The following CDC42BPA variants were observed in gnomAD, a reference collection of about 807,000 sequenced individuals.
CDC42BPA encodes the protein serine/threonine-protein kinase MRCK alpha.
Under a neutral mutation model 223.5 loss-of-function variants are expected in CDC42BPA, and 80 were observed. That is an observed-to-expected ratio of 0.36 (90% CI 0.30 to 0.43). The LOEUF (loss-of-function observed/expected upper bound fraction) is 0.43. CDC42BPA is among the 20% of genes least tolerant of loss of function. The pLI, the probability that CDC42BPA is intolerant of heterozygous loss-of-function variation, is 1.00. For synonymous variants in CDC42BPA, 694 were observed against 718.6 expected (o/e 0.97, Z 0.55); for missense variants, 1,743 against 2,099.9 (o/e 0.83, Z 3.32).
intron 5 of CDC42BPA, among the ~76,000 whole-genome samples, chr1:227,162,186 T>C (rs1268105699): frequency 6.6e-6 from 1 of 152,028 alleles, no homozygotes; most frequent in Admixed American, 6.6e-5. Flanking sequence ...TTTGCTTATT[T>C]TATAGATAGT....
intron 5 of CDC42BPA, among the ~76,000 whole-genome samples, chr1:227,162,868 A>ATATATGTGTGTGTGTGTGTGTGTGTGTG (rs1553371209): frequency 6.7e-6 from 1 of 149,356 alleles, no homozygotes; most frequent in South Asian, 2.1e-4. Flanking sequence ...ATAAATATAT[A>ATATATGTGTGTGTGTGTGTGTGTGTGTG]TGTGTGTGTG....
Position 227,029,044 on chromosome 1 carries a change from G to C in CDC42BPA, c.4045C>G (p.Leu1349Val). The change falls in exon 30 of 37, where the codon CTC (leucine) becomes GTC (valine). Residue 1349 changes from leucine to valine, a missense_variant. Coordinates refer to ENST00000366766, the MANE Select transcript of CDC42BPA (RefSeq NM_001394014.1). ...VTSGKVRHGALTCLCVAMKRQ... is the reference protein window; with the variant it reads ...VTSGKVRHGAVTCLCVAMKRQ... ...TTCATAGCCACACACAGGCATGTGA[G>C]AGCTCCATGGCGCACCTTTCCAGAA... is the stretch of plus-strand genomic sequence containing the variant. 1.2e-6 allele frequency: 2 copies of C among 1,614,106 alleles called. No homozygotes were observed. The highest frequency in any genetic ancestry group is 1.7e-6 in the Non-Finnish European group (2 of 1,180,034).
At chr1:227,054,467 T>A (rs1010408989) in intron 21 of CDC42BPA, among the ~76,000 whole-genome samples, 2 of 152,216 alleles carry the variant, frequency 1.3e-5, no homozygotes, top group African/African-American at 4.8e-5. Flanking sequence ...GGTTATATCA[T>A]GAAATCAGTG....
chr1:227,054,110 T>C (rs12036915), intron 21 of CDC42BPA, among the ~76,000 whole-genome samples: 32,119 of 151,502 alleles, frequency 0.21, 3,516 homozygotes, highest in Admixed American at 0.26. Context: ...CTTAAGAAAA[T>C]TGTAAAGTTT....
chr1:227,040,960 T>C (rs564012759), intron 23 of CDC42BPA, among the ~76,000 whole-genome samples: 1 of 152,340 alleles, frequency 6.6e-6, no homozygotes, highest in East Asian at 1.9e-4. Flanking sequence ...ATAAATGATG[T>C]ATAATAAATA....
intron 1 of CDC42BPA, among the ~76,000 whole-genome samples, chr1:227,261,496 C>T (rs1684062772): frequency 6.7e-6 from 1 of 148,542 alleles, no homozygotes; most frequent in Non-Finnish European, 1.5e-5. Context: ...AACACAGACC[C>T]ACACATACAC....
chr1:227,211,285 A>T (rs1279020751), intron 3 of CDC42BPA, among the ~76,000 whole-genome samples: 1 of 152,176 alleles, frequency 6.6e-6, no homozygotes, highest in Admixed American at 6.5e-5. Flanking sequence ...GGGGATGCAG[A>T]TAAAAAGGAA....
intron 16 of CDC42BPA, among the ~76,000 whole-genome samples, chr1:227,083,517 C>T (rs1681157310): frequency 6.6e-6 from 1 of 151,972 alleles, no homozygotes; most frequent in Non-Finnish European, 1.5e-5. Context: ...TCTGTTTCTA[C>T]TGACTGCCTG....
intron 11 of CDC42BPA, among the ~76,000 whole-genome samples, chr1:227,125,653 C>A (rs973907786): frequency 6.7e-6 from 1 of 149,348 alleles, no homozygotes. Context: ...AGGACATTAA[C>A]CCTCACTGGC....
chr1:227,099,430 T>C (rs766973290), intron 15 of CDC42BPA, among the ~76,000 whole-genome samples: 1 of 151,938 alleles, frequency 6.6e-6, no homozygotes, highest in African/African-American at 2.4e-5. Flanking sequence ...GTGCCTTATA[T>C]AGGTGTACCC....
chr1:227,075,393 C>G (rs1929870), intron 17 of CDC42BPA, among the ~76,000 whole-genome samples: 19,631 of 152,058 alleles, frequency 0.13, 1,343 homozygotes, highest in East Asian at 0.26. Flanking sequence ...CCTGAGGAGT[C>G]AAATTTATAT....
intron 5 of CDC42BPA, among the ~76,000 whole-genome samples, chr1:227,169,403 TTTTC>T (rs749190632): frequency 3.4e-4 from 51 of 152,162 alleles, no homozygotes; most frequent in Non-Finnish European, 4.3e-4. Context: ...GTTAGCATTT[TTTTC>T]TTTCTTTTTT....
intron 14 of CDC42BPA, among the ~76,000 whole-genome samples, chr1:227,108,291 G>C (rs1474011197): frequency 6.6e-6 from 1 of 152,048 alleles, no homozygotes; most frequent in African/African-American, 2.4e-5. Context: ...GTAAGTTCTG[G>C]TGTATTGTAT....
At chr1:227,149,793 G>A (rs892481835) in intron 6 of CDC42BPA, among the ~76,000 whole-genome samples, 9 of 152,120 alleles carry the variant, frequency 5.9e-5, no homozygotes, top group Admixed American at 2.0e-4. Context: ...ACAGACCCTA[G>A]AATGGACAAG....
At chr1:227,009,031 A>G (rs181526864) in intron 34 of CDC42BPA, among the ~76,000 whole-genome samples, 1 of 152,270 alleles carries the variant, frequency 6.6e-6, no homozygotes, top group African/African-American at 2.4e-5. Context: ...CAGGCTATAC[A>G]TTTTTTTATT....
chr1:227,150,054 T>C (rs1661438214), intron 6 of CDC42BPA, among the ~76,000 whole-genome samples: 3 of 151,654 alleles, frequency 2.0e-5, no homozygotes, highest in Admixed American at 2.0e-4. Flanking sequence ...TGAAACCACA[T>C]CTCTACAAAA....
At chr1:227,201,840 T>A (rs1671826263) in intron 3 of CDC42BPA, among the ~76,000 whole-genome samples, 1 of 151,902 alleles carries the variant, frequency 6.6e-6, no homozygotes, top group Non-Finnish European at 1.5e-5. Flanking sequence ...GAAATCTACC[T>A]AATTTTTTCT....
At chr1:227,099,534 A>T (rs1684617923) in intron 15 of CDC42BPA, among the ~76,000 whole-genome samples, 1 of 152,178 alleles carries the variant, frequency 6.6e-6, no homozygotes, top group Non-Finnish European at 1.5e-5. Flanking sequence ...ATTCCCTGCA[A>T]TAGTTTTACT....
chr1:227,119,574 C>T (rs1046201211), intron 12 of CDC42BPA, among the ~76,000 whole-genome samples: 12 of 151,960 alleles, frequency 7.9e-5, no homozygotes, highest in Admixed American at 3.9e-4. Flanking sequence ...TGACTATTAA[C>T]TTTCTAAAAG....
Sources: gnomAD v4.1 joint callset for allele counts (sites outside exome capture counted in the v4.1 genomes callset) on GRCh38, gnomAD v4.1.1 for gene constraint, MANE v1.5 for transcripts, NCBI Gene and HGNC (gene_info 2026-07-23, HGNC 2026-07-21) for gene names.